Variants in MARCHF1 observed in about 807,000 individuals in gnomAD.
The protein encoded by MARCHF1 is E3 ubiquitin-protein ligase MARCHF1.
MARCHF1 carries 40 observed loss-of-function variants against 54.2 expected under a neutral mutation model. That is an observed-to-expected ratio of 0.74 (90% CI 0.57 to 0.96). The LOEUF (loss-of-function observed/expected upper bound fraction) is 0.96, where lower values mean the gene tolerates loss of function less well. Ranked by LOEUF, MARCHF1 falls within the 40% of genes least tolerant of loss-of-function variation. The pLI, the probability that MARCHF1 is intolerant of heterozygous loss-of-function variation, is 0.00. For synonymous variants in MARCHF1, 236 were observed against 236.3 expected (o/e 1.00, Z 0.01); for missense variants, 586 against 656.5 (o/e 0.89, Z 1.17).
chr4:163,725,651 G>A (rs908623796), intron 4 of MARCHF1, among the ~76,000 whole-genome samples: 5 of 152,058 alleles, frequency 3.3e-5, no homozygotes, highest in Non-Finnish European at 5.9e-5. Context: ...ATAGTCTATG[G>A]TTGTAAGACA....
At chr4:163,638,008 C>T (rs1177535049) in intron 5 of MARCHF1, among the ~76,000 whole-genome samples, 5 of 147,912 alleles carry the variant, frequency 3.4e-5, no homozygotes, top group African/African-American at 1.0e-4. Context: ...AACCAAACAC[C>T]GCATTTTCTC....
chr4:163,737,164 C>CTT lies in MARCHF1; in HGVS notation c.112-36303_112-36302dup, dbSNP rs71925488. On this transcript the variant is annotated intron_variant, in intron 4 of 9. Transcript: ENST00000514618. ...ATCAGCGCTCGCAGCTTTTTTCTTT[C>CTT]TTTTTTTTTTTTTTTTTTCACATAT... Among the ~76,000 whole-genome samples, 6 of 72,084 alleles carry CTT rather than the reference C, an allele frequency of 8.3e-5. No homozygotes were observed. In the South Asian group the frequency reaches 1.4e-3, roughly 16 times the overall value. The allele number at this position is 72,084 out of a possible 152,430, so 47.3% of individuals were successfully genotyped here.
intron 1 of MARCHF1, among the ~76,000 whole-genome samples, chr4:164,313,348 C>CAAAAAAAAAAAAAA (rs553280791): frequency 8.4e-4 from 67 of 80,222 alleles, no homozygotes; most frequent in African/African-American, 3.1e-3. Flanking sequence ...GACTCTGTCT[C>CAAAAAAAAAAAAAA]AAAAAAAAAA....
chr4:163,555,417 CA>C (rs1176737956), intron 8 of MARCHF1, among the ~76,000 whole-genome samples: 1 of 151,934 alleles, frequency 6.6e-6, no homozygotes, highest in Non-Finnish European at 1.5e-5. Context: ...CATATCCCCC[CA>C]AAAAACTCAC....
At chr4:163,624,865 A>C (rs988184291) in intron 5 of MARCHF1, among the ~76,000 whole-genome samples, 1 of 152,180 alleles carries the variant, frequency 6.6e-6, no homozygotes, top group South Asian at 2.1e-4. Flanking sequence ...ATTGCCTTCA[A>C]CTTTTCTTCT....
chr4:163,710,726 T>C lies in MARCHF1; in HGVS notation c.112-9863A>G, dbSNP rs149317151. 3.6e-4 allele frequency among the ~76,000 whole-genome samples: 55 copies of C among 152,182 alleles called. No homozygotes were observed. The East Asian group carries it at 9.9e-3, about 27-fold the overall frequency. On this transcript the variant is annotated intron_variant, in intron 4 of 9. Coordinates refer to ENST00000514618, the MANE Select transcript of MARCHF1 (RefSeq NM_001394959.1). ...TATAGTAAAATGATCATTGGCTAAA[T>C]TGTCAAAGCACCATGGAAAAAGCCT...
At chr4:164,190,770 A>C (rs757575439) in intron 1 of MARCHF1, among the ~76,000 whole-genome samples, 2 of 152,212 alleles carry the variant, frequency 1.3e-5, no homozygotes, top group Admixed American at 1.3e-4. Context: ...TTTCATCTTC[A>C]TATGAAATCC....
chr4:164,361,461 C>T (rs1321257362), intron 1 of MARCHF1, among the ~76,000 whole-genome samples: 2 of 152,056 alleles, frequency 1.3e-5, no homozygotes, highest in African/African-American at 4.8e-5. Context: ...ATGGGCCTTA[C>T]CAAAGATCTG....
intron 1 of MARCHF1, among the ~76,000 whole-genome samples, chr4:164,133,808 C>A (rs55882264): frequency 0.044 from 6,659 of 152,250 alleles, 483 homozygotes; most frequent in African/African-American, 0.15. Flanking sequence ...GTCCCATTAA[C>A]CCAGATGACC....
intron 2 of MARCHF1, among the ~76,000 whole-genome samples, chr4:164,040,212 ATT>A (rs1429914703): frequency 6.9e-6 from 1 of 144,456 alleles, no homozygotes; most frequent in African/African-American, 2.5e-5. Context: ...TTGTATATAT[ATT>A]TATACTATAT....
chr4:163,782,517 A>C (rs1179448317), intron 4 of MARCHF1, among the ~76,000 whole-genome samples: 2 of 151,978 alleles, frequency 1.3e-5, no homozygotes, highest in Non-Finnish European at 2.9e-5. Context: ...CAAAGATACA[A>C]AAATGAGCAG....
chr4:164,220,048 T>C (rs969455278), intron 1 of MARCHF1, among the ~76,000 whole-genome samples: 3 of 151,964 alleles, frequency 2.0e-5, no homozygotes, highest in Non-Finnish European at 2.9e-5. Flanking sequence ...AATCTTATTC[T>C]AACATTTTTA....
At chr4:163,837,730 C>T (rs1579327884) in intron 4 of MARCHF1, among the ~76,000 whole-genome samples, 1 of 135,586 alleles carries the variant, frequency 7.4e-6, no homozygotes, top group African/African-American at 2.7e-5. Flanking sequence ...ACTAACATGT[C>T]TCTGTAACTA....
intron 5 of MARCHF1, among the ~76,000 whole-genome samples, chr4:163,647,812 CAAAT>C (rs1229437899): frequency 6.6e-6 from 1 of 150,876 alleles, no homozygotes; most frequent in African/African-American, 2.4e-5. Context: ...AGAAAAATCT[CAAAT>C]AAATAACCTA....
chr4:163,629,040 G>GA (rs539931827), intron 5 of MARCHF1, among the ~76,000 whole-genome samples: 135 of 152,090 alleles, frequency 8.9e-4, no homozygotes, highest in African/African-American at 3.2e-3. Context: ...CACAGAATTA[G>GA]AAAAAAACTA....
rs1284513439 is a variant in MARCHF1 at position 164,375,452 on chromosome 4, A to G, written c.-323+8418T>C. On this transcript the variant is annotated intron_variant, in intron 1 of 9. Coordinates refer to ENST00000514618, the MANE Select transcript of MARCHF1 (RefSeq NM_001394959.1). The stretch of plus-strand genomic sequence containing the variant: ...GAACAAATACATTGAGTAATAAATA[A>G]ATAAATAGTTCATTCTCCTTTCTTT... Among the ~76,000 whole-genome samples the G allele has an allele frequency of 3.9e-5, 6 of 152,188 alleles. No homozygotes were observed. The East Asian group carries it at 1.2e-3, about 29-fold the overall frequency.
intron 2 of MARCHF1, among the ~76,000 whole-genome samples, chr4:164,026,798 T>C (rs556695015): frequency 6.6e-6 from 1 of 152,134 alleles, no homozygotes; most frequent in Non-Finnish European, 1.5e-5. Flanking sequence ...GTAGTAAAAC[T>C]CTCTCTTCGT....
intron 5 of MARCHF1, among the ~76,000 whole-genome samples, chr4:163,690,071 C>T (rs1299925197): frequency 6.6e-6 from 1 of 152,058 alleles, no homozygotes; most frequent in Non-Finnish European, 1.5e-5. Flanking sequence ...CCTGAGCTGT[C>T]TACACTCCTG....
At chr4:163,770,116 TCA>T (rs1179921663) in intron 4 of MARCHF1, among the ~76,000 whole-genome samples, 1 of 152,050 alleles carries the variant, frequency 6.6e-6, no homozygotes, top group African/African-American at 2.4e-5. Flanking sequence ...AAAATAATAA[TCA>T]CATACAAAAT....
Sources: gnomAD v4.1 joint callset for allele counts (sites outside exome capture counted in the v4.1 genomes callset) on GRCh38, gnomAD v4.1.1 for gene constraint, MANE v1.5 for transcripts, NCBI Gene and HGNC (gene_info 2026-07-23, HGNC 2026-07-21) for gene names.